Variants in FILIP1 observed in about 807,000 individuals in gnomAD.
FILIP1 encodes filamin-A-interacting protein 1.
FILIP1 carries 61 observed loss-of-function variants against 102.1 expected under a neutral mutation model. The ratio of observed to expected loss-of-function variants is 0.60; its 90% confidence interval spans 0.49 to 0.74. FILIP1 has a LOEUF of 0.74. Ranked by LOEUF, FILIP1 falls within the 30% of genes least tolerant of loss-of-function variation. FILIP1 has a pLI of 0.00. For synonymous variants in FILIP1, 491 were observed against 526.9 expected, an observed-to-expected ratio of 0.93 and a Z score of 0.93; for missense variants, 1,314 against 1,441.2, an observed-to-expected ratio of 0.91 and a Z score of 1.43.
chr6:75,353,153 T>C (rs1056251646), intron 4 of FILIP1, among the ~76,000 whole-genome samples: 6 of 151,792 alleles, frequency 4.0e-5, no homozygotes, highest in African/African-American at 1.5e-4. Context: ...CATGTATACA[T>C]ATGTAACAAA....
chr6:75,387,389 C>A (rs1478112272), intron 2 of FILIP1, among the ~76,000 whole-genome samples: 1 of 152,146 alleles, frequency 6.6e-6, no homozygotes, highest in Non-Finnish European at 1.5e-5. Context: ...GATTTATAAT[C>A]CTTTGGGTAT....
intron 2 of FILIP1, among the ~76,000 whole-genome samples, chr6:75,397,587 T>C (rs201312713): frequency 8.7e-5 from 1 of 11,548 alleles, no homozygotes; most frequent in Non-Finnish European, 1.7e-4. Context: ...CACGTATACA[T>C]ATATATATAT....
chr6:75,369,796 A>G (rs1453468208), intron 2 of FILIP1, among the ~76,000 whole-genome samples: 1 of 152,224 alleles, frequency 6.6e-6, no homozygotes, highest in African/African-American at 2.4e-5. Flanking sequence ...CAATTTTAAT[A>G]TTCACCTGAG....
At position 75,308,409 on chromosome 6, in the gene FILIP1, G is replaced by A; in HGVS notation, c.*282C>T. 1.7e-6 allele frequency: 2 copies of A among 1,177,324 alleles called. No individual in the cohort carries two copies. The highest frequency in any genetic ancestry group is 1.1e-6 in the Non-Finnish European group (1 of 925,074). The allele number at this position is 1,177,324 out of a possible 1,614,324, so 72.9% of individuals were successfully genotyped here. A position where few individuals can be genotyped will look rare whatever the true frequency, so the allele number is the denominator to read the frequency against. The stretch of plus-strand genomic sequence containing the variant: ...CCACATCTAACTGATGAGGAAACAG[G>A]CTCAGATGGGTCTATTGATGGGTCC... On this transcript the variant is annotated 3_prime_UTR_variant, in exon 6 of 6. Coordinates refer to ENST00000237172, the MANE Select transcript of FILIP1 (RefSeq NM_015687.5).
At chr6:75,482,995 A>G (rs1376070708) in intron 1 of FILIP1, among the ~76,000 whole-genome samples, 2 of 151,806 alleles carry the variant, frequency 1.3e-5, no homozygotes, top group Non-Finnish European at 2.9e-5. Context: ...CAGAATAATT[A>G]TAAGAATCTT....
chr6:75,452,916 G>T (rs1044920197), intron 1 of FILIP1, among the ~76,000 whole-genome samples: 6 of 152,164 alleles, frequency 3.9e-5, no homozygotes, highest in Admixed American at 3.9e-4. Flanking sequence ...GTCATATTTT[G>T]ATGAGACAAA....
At chr6:75,430,263 T>C (rs981724282) in intron 1 of FILIP1, among the ~76,000 whole-genome samples, 3 of 152,196 alleles carry the variant, frequency 2.0e-5, no homozygotes, top group African/African-American at 4.8e-5. Context: ...TGTGAATCAA[T>C]TAAACCTCTT....
intron 4 of FILIP1, chr6:75,319,245 G>C (rs1386171799): frequency 2.8e-6 from 2 of 718,244 alleles, no homozygotes; most frequent in Non-Finnish European, 5.1e-6. Context: ...AAGGCTGCTT[G>C]TCATCTGCAA....
intron 3 of FILIP1, chr6:75,358,450 A>G (rs1263515964): frequency 6.6e-6 from 1 of 152,244 alleles, no homozygotes; most frequent in Non-Finnish European, 1.5e-5. Flanking sequence ...GAGCAGGGTG[A>G]CTTTCCTCAC....
intron 1 of FILIP1, among the ~76,000 whole-genome samples, chr6:75,440,129 G>GT (rs1051442054): frequency 2.0e-5 from 3 of 151,880 alleles, no homozygotes; most frequent in African/African-American, 7.3e-5. Flanking sequence ...TAACTTCTGG[G>GT]TTTTTTTTAT....
intron 2 of FILIP1, among the ~76,000 whole-genome samples, chr6:75,365,814 ACTT>A (rs1269462406): frequency 2.0e-5 from 3 of 152,210 alleles, no homozygotes; most frequent in Non-Finnish European, 2.9e-5. Flanking sequence ...AAAAAGAAAT[ACTT>A]CATCATTCCT....
intron 2 of FILIP1, among the ~76,000 whole-genome samples, chr6:75,396,135 T>C (rs2951935): frequency 0.056 from 8,521 of 151,578 alleles, 666 homozygotes; most frequent in African/African-American, 0.17. Flanking sequence ...TTATTTAAGA[T>C]GGGAAATATT....
chr6:75,384,166 A>ACCTATAACCTATAACC (rs1361304357), intron 2 of FILIP1, among the ~76,000 whole-genome samples: 5 of 152,168 alleles, frequency 3.3e-5, no homozygotes, highest in Non-Finnish European at 5.9e-5. Flanking sequence ...ATAACCTAAA[A>ACCTATAACCTATAACC]TTTAGATCAA....
chr6:75,327,352 A>C (rs563896299), intron 4 of FILIP1, among the ~76,000 whole-genome samples: 1 of 152,176 alleles, frequency 6.6e-6, no homozygotes, highest in East Asian at 1.9e-4. Flanking sequence ...AGAGCCACCC[A>C]GTCTGACTCC....
intron 1 of FILIP1, among the ~76,000 whole-genome samples, chr6:75,488,256 C>T (rs1779851491): frequency 2.0e-5 from 3 of 152,136 alleles, no homozygotes; most frequent in African/African-American, 4.8e-5. Flanking sequence ...TCAAGTTCTG[C>T]AATCAGCTGG....
intron 5 of FILIP1, among the ~76,000 whole-genome samples, chr6:75,311,249 C>G (rs924208808): frequency 3.3e-5 from 5 of 151,856 alleles, no homozygotes; most frequent in African/African-American, 1.2e-4. Context: ...GTGGCATGAC[C>G]GTGGCTCACT....
chr6:75,455,867 T>C (rs1361129344), intron 1 of FILIP1, among the ~76,000 whole-genome samples: 1 of 152,184 alleles, frequency 6.6e-6, no homozygotes, highest in Admixed American at 6.5e-5. Context: ...TCACAAAATA[T>C]GTTCTATTTC....
intron 1 of FILIP1, among the ~76,000 whole-genome samples, chr6:75,462,149 A>G (rs1349206847): frequency 1.3e-5 from 2 of 152,112 alleles, no homozygotes; most frequent in African/African-American, 4.8e-5. Context: ...GCCCACATGG[A>G]CTTGCCCTTT....
intron 2 of FILIP1, among the ~76,000 whole-genome samples, chr6:75,409,467 C>T (rs984085682): frequency 7.2e-5 from 11 of 152,158 alleles, no homozygotes; most frequent in Non-Finnish European, 1.5e-4. Flanking sequence ...TCACTCACTC[C>T]TGGGTATAGG....
Sources: allele counts gnomAD v4.1 joint callset (sites outside exome capture counted in the v4.1 genomes callset), GRCh38; gene constraint gnomAD v4.1.1; transcripts MANE v1.5; gene names NCBI Gene and HGNC (gene_info 2026-07-23, HGNC 2026-07-21).